The following TRAF5 variants were observed in gnomAD, a reference collection of about 807,000 sequenced individuals.
TRAF5 encodes the protein TNF receptor-associated factor 5.
In TRAF5, 48 loss-of-function variants were observed where a neutral mutation model predicts 64.5. That is an observed-to-expected ratio of 0.74 (90% CI 0.59 to 0.95). The LOEUF is 0.95. Ranked by LOEUF, TRAF5 falls within the 40% of genes least tolerant of loss-of-function variation. The pLI is 0.00. For synonymous variants in TRAF5, 206 were observed against 240.5 expected, an observed-to-expected ratio of 0.86 and a Z score of 1.33; for missense variants, 545 against 662.8, an observed-to-expected ratio of 0.82 and a Z score of 1.95.
At chr1:211,371,958 G>A (rs577996952) in intron 10 of TRAF5, among the ~76,000 whole-genome samples, 170 bp from the exon 11 acceptor site, 78 of 152,332 alleles carry the variant, frequency 5.1e-4, no homozygotes, top group Middle Eastern at 3.4e-3. Flanking sequence ...ACTGTGCCAA[G>A]ACATGATATT....
intron 3 of TRAF5, among the ~76,000 whole-genome samples, chr1:211,356,009 C>T (rs1702950968): frequency 6.6e-6 from 1 of 152,200 alleles, no homozygotes. Context: ...CTCAGTGACA[C>T]TGTCTGATAA....
At chr1:211,343,758 G>A (rs1157599241) in intron 1 of TRAF5, among the ~76,000 whole-genome samples, 2 of 151,900 alleles carry the variant, frequency 1.3e-5, no homozygotes, top group African/African-American at 4.8e-5. Flanking sequence ...TTGTCTTCAC[G>A]GCCCTTTCTC....
Position 211,360,758 on chromosome 1 carries a change from GA to G in TRAF5, c.602del (p.Lys201ArgfsTer4), listed in dbSNP as rs1421734466. On this transcript the variant is annotated frameshift_variant, in exon 6 of 11. Transcript: ENST00000261464. LOFTEE classifies it high-confidence loss of function. ...CAGTATTTTGTCCCAACAATTGTGC[GA>G]AGATTATTCTAAAAACTGAGGTAAC... is the stretch of plus-strand genomic sequence containing the variant. ...YPVFCPNNCA[K>X]IILKTEVDEH... The G allele has an allele frequency of 6.2e-7, 1 of 1,613,658 alleles. No individual in the cohort carries two copies. Among genetic ancestry groups the G allele is most frequent in the Non-Finnish European group, 8.5e-7 (1 of 1,179,780 alleles).
Position 211,361,131 on chromosome 1 carries a change from G to A in TRAF5, c.665G>A (p.Cys222Tyr), listed in dbSNP as rs748490218. Residue 222 changes from cysteine (C) to tyrosine (Y), a missense_variant, in exon 7 of 11, where the codon TGT (cysteine) becomes TAT (tyrosine). Cys to Tyr is a radical substitution (Grantham distance 194, BLOSUM62 -2). Transcript: ENST00000261464. ...GTATGTCCTGAAGCTGAGCAAGACTGTCCTTTTAAGCACTATGGCTGTGCT... is the reference window on the plus strand; with the variant it reads ...GTATGTCCTGAAGCTGAGCAAGACTATCCTTTTAAGCACTATGGCTGTGCT... ...LAVCPEAEQD[C>Y]PFKHYGCAVT... The A allele has an allele frequency of 1.4e-5, 22 of 1,614,022 alleles. No individual in the cohort carries two copies. Among genetic ancestry groups the A allele is most frequent in the Non-Finnish European group, 1.8e-5 (21 of 1,180,030 alleles).
At chr1:211,338,028 G>A (rs1219357291) in intron 1 of TRAF5, among the ~76,000 whole-genome samples, 1 of 152,178 alleles carries the variant, frequency 6.6e-6, no homozygotes, top group Admixed American at 6.5e-5. Context: ...GAGAATGAGT[G>A]CAGATAGAAG....
Position 211,353,459 on chromosome 1 carries a change from T to C in TRAF5, c.218+2T>C, listed in dbSNP as rs758881291. ...CCAGCACTGCATCCTGTCCCTGAGG[T>C]GAGTGGGCAGGGCCTGCAACTCTGG... On this transcript the variant is annotated splice_donor_variant, in intron 2 of 10. Coordinates refer to ENST00000261464, the MANE Select transcript of TRAF5 (RefSeq NM_001033910.3). LOFTEE classifies it high-confidence loss of function. The C allele has an allele frequency of 1.9e-6, 3 of 1,611,160 alleles. No homozygotes were observed. The South Asian group carries it at 3.3e-5, about 18-fold the overall frequency.
intron 3 of TRAF5, 83 bp from the exon 4 acceptor site, chr1:211,356,284 C>A: frequency 8.4e-7 from 1 of 1,183,564 alleles, no homozygotes; most frequent in Non-Finnish European, 1.2e-6. Flanking sequence ...CTGAGATACA[C>A]TCGAAGACCA....
intron 1 of TRAF5, among the ~76,000 whole-genome samples, chr1:211,338,499 G>A (rs1247893639): frequency 6.6e-6 from 1 of 152,190 alleles, no homozygotes; most frequent in African/African-American, 2.4e-5. Flanking sequence ...GAATAAAGCT[G>A]GCTAGGAGGG....
chr1:211,326,751 G>A, upstream of TRAF5: 2 of 985,194 alleles, frequency 2.0e-6, no homozygotes, highest in Non-Finnish European at 2.4e-6. The surrounding 1 kb of genome is among the most constrained non-coding windows in gnomAD (Gnocchi z 5.0). Context: ...CTCTTCCCCT[G>A]CGCCCGCCCG....
chr1:211,348,849 T>C (rs1366110465), intron 1 of TRAF5, among the ~76,000 whole-genome samples: 1 of 151,774 alleles, frequency 6.6e-6, no homozygotes, highest in Non-Finnish European at 1.5e-5. Flanking sequence ...GTATAATAAG[T>C]TTTGAAGTTG....
intron 3 of TRAF5, 34 bp downstream of exon 3, chr1:211,354,501 C>T (rs768165641): frequency 6.2e-7 from 1 of 1,606,294 alleles, no homozygotes. Context: ...TAGCAGCTCT[C>T]AGGGTGATGG....
chr1:211,366,313 T>C (rs1703349042), intron 8 of TRAF5, among the ~76,000 whole-genome samples: 1 of 152,204 alleles, frequency 6.6e-6, no homozygotes, highest in African/African-American at 2.4e-5. Flanking sequence ...GTAACTTTGG[T>C]AGAAGGCATG....
At position 211,356,467 on chromosome 1, in the gene TRAF5, AGGTT is replaced by A; in HGVS notation, c.378+3_378+6del. On this transcript the variant is annotated splice_donor_variant and splice_donor_region_variant and coding_sequence_variant and intron_variant, in exon 4 of 11. Coordinates refer to ENST00000261464, the MANE Select transcript of TRAF5 (RefSeq NM_001033910.3). LOFTEE classifies it high-confidence loss of function. ...GCCAAGGTTATTCTGGGCCGGTACC[AGGTT>A]GGTATTACTCATGAACGATATCTGC... 1 of 1,613,876 alleles carries A rather than the reference AGGTT, an allele frequency of 6.2e-7. No individual in the cohort carries two copies. The highest frequency in any genetic ancestry group is 1.1e-5 in the South Asian group (1 of 91,080).
Position 211,333,960 on chromosome 1 carries a change from G to T in TRAF5, c.-2+7071G>T, listed in dbSNP as rs183040914. On this transcript the variant is annotated intron_variant, in intron 1 of 10. Transcript: ENST00000261464. Reference sequence around the variant, plus strand: ...TCATCTCTTGTTAGGCTTCTTTGTTGGGGGTCCCCAAGACCATTCCCAGGT... The same window carrying T: ...TCATCTCTTGTTAGGCTTCTTTGTTTGGGGTCCCCAAGACCATTCCCAGGT... Among the ~76,000 whole-genome samples the T allele has an allele frequency of 3.2e-3, 482 of 152,262 alleles. 2 individuals carry two copies. The highest frequency in any genetic ancestry group is 0.011 in the African/African-American group (465 of 41,554).
intron 1 of TRAF5, among the ~76,000 whole-genome samples, chr1:211,327,433 G>A (rs1702049818): frequency 6.6e-6 from 1 of 152,186 alleles, no homozygotes; most frequent in African/African-American, 2.4e-5. Flanking sequence ...GTTCGTTTGC[G>A]CGTCTTCCTT....
At chr1:211,360,255 T>C in intron 5 of TRAF5, 179 bp downstream of exon 5, 1 of 627,248 alleles carries the variant, frequency 1.6e-6, no homozygotes, top group Non-Finnish European at 2.7e-6. Flanking sequence ...TTCTTGTTGG[T>C]AGCACTCCAT....
At chr1:211,337,375 G>A (rs1440272950) in intron 1 of TRAF5, among the ~76,000 whole-genome samples, 1 of 152,182 alleles carries the variant, frequency 6.6e-6, no homozygotes, top group African/African-American at 2.4e-5. Flanking sequence ...AAGACGCAAG[G>A]CAGTGTTGCC....
In TRAF5 at chr1:211,354,439, T is replaced by C. The variant is rs371824899; in HGVS notation, c.248T>C (p.Val83Ala). Residue 83 changes from valine (V) to alanine (A), a missense_variant, in exon 3 of 11, where the codon GTA (valine) becomes GCA (alanine). By Grantham distance (64) the Val-to-Ala change is moderately conservative. Transcript: ENST00000261464. ...TTAAACACAGTGCCAATCTGCCCTG[T>C]AGATAAAGAGGTCATCAAATCTCAG... ...RELNTVPICP[V>A]DKEVIKSQEV... is the part of the protein sequence containing the mutation. 8.7e-6 allele frequency: 14 copies of C among 1,614,164 alleles called. No homozygotes were observed. Among genetic ancestry groups the C allele is most frequent in the East Asian group, 4.5e-5 (2 of 44,884 alleles).
chr1:211,330,070 T>G (rs1405991818), intron 1 of TRAF5, among the ~76,000 whole-genome samples: 2 of 152,244 alleles, frequency 1.3e-5, no homozygotes, highest in Non-Finnish European at 2.9e-5. Context: ...GAACTCAGTC[T>G]GTTTACAGTG....
Sources: gnomAD v4.1 joint callset for allele counts (sites outside exome capture counted in the v4.1 genomes callset) on GRCh38, gnomAD v4.1.1 for gene constraint, Gnocchi (gnomAD v3.1) non-coding constraint, MANE v1.5 for transcripts, NCBI Gene and HGNC (gene_info 2026-07-23, HGNC 2026-07-21) for gene names.